The following BANK1 variants were observed in gnomAD, a reference collection of about 807,000 sequenced individuals.
BANK1 encodes B cell scaffold protein with ankyrin repeats 1, also known as B-cell scaffold protein with ankyrin repeats.
Under a neutral mutation model 94.5 loss-of-function variants are expected in BANK1, and 95 were observed. That is an observed-to-expected ratio of 1.00 (90% CI 0.85 to 1.19). BANK1 has a LOEUF of 1.19. BANK1 is among the 50% of genes most tolerant of loss of function. BANK1 has a pLI of 0.00. For synonymous variants in BANK1, 334 were observed against 308.4 expected (o/e 1.08, Z -0.87); for missense variants, 987 against 932.2 (o/e 1.06, Z -0.77).
intron 7 of BANK1, among the ~76,000 whole-genome samples, chr4:101,936,330 CAT>C (rs768523179): frequency 1.3e-3 from 175 of 137,414 alleles, no homozygotes; most frequent in African/African-American, 3.9e-3. Flanking sequence ...TGTATCCATA[CAT>C]ATATATGTAC....
At chr4:102,000,688 A>G (rs1726035968) in intron 7 of BANK1, among the ~76,000 whole-genome samples, 1 of 152,230 alleles carries the variant, frequency 6.6e-6, no homozygotes, top group African/African-American at 2.4e-5. Flanking sequence ...CTTCTAAACT[A>G]GCAATGTAGT....
chr4:101,813,437 GA>G (rs1342508825), intron 1 of BANK1, among the ~76,000 whole-genome samples: 2 of 152,078 alleles, frequency 1.3e-5, no homozygotes, highest in African/African-American at 4.8e-5. Context: ...TATGATACTG[GA>G]AATACTGTCA....
chr4:102,009,068 C>G (rs986894634), intron 7 of BANK1, among the ~76,000 whole-genome samples: 1 of 152,228 alleles, frequency 6.6e-6, no homozygotes, highest in Non-Finnish European at 1.5e-5. Flanking sequence ...CTTTCAAATG[C>G]CAGGATTGCT....
chr4:101,990,172 T>A (rs1282846916), intron 7 of BANK1, among the ~76,000 whole-genome samples: 1 of 152,216 alleles, frequency 6.6e-6, no homozygotes, highest in African/African-American at 2.4e-5. Flanking sequence ...AAAAAGCATC[T>A]GAGGTACTAT....
intron 2 of BANK1, among the ~76,000 whole-genome samples, chr4:101,846,856 G>T (rs1412766699): frequency 6.6e-6 from 1 of 152,156 alleles, no homozygotes; most frequent in African/African-American, 2.4e-5. Context: ...TAGTGATCAA[G>T]GTTCTCTGAA....
At chr4:101,849,860 C>A (rs554075726) in intron 2 of BANK1, among the ~76,000 whole-genome samples, 125 of 152,254 alleles carry the variant, frequency 8.2e-4, no homozygotes, top group Non-Finnish European at 1.7e-3. Context: ...ACTTATGGCT[C>A]TGTTACTTTA....
intron 5 of BANK1, among the ~76,000 whole-genome samples, chr4:101,883,115 A>G (rs1240072417): frequency 2.0e-5 from 3 of 152,204 alleles, no homozygotes; most frequent in African/African-American, 7.2e-5. Context: ...CTGATAACAT[A>G]AGTGACATTT....
At chr4:101,881,170 C>T (rs1728662269) in intron 5 of BANK1, among the ~76,000 whole-genome samples, 1 of 151,842 alleles carries the variant, frequency 6.6e-6, no homozygotes, top group South Asian at 2.1e-4. Flanking sequence ...TGCAAACTAC[C>T]TATCTAACAA....
chr4:101,916,731 T>A (rs1442486788), intron 6 of BANK1, among the ~76,000 whole-genome samples: 2 of 152,032 alleles, frequency 1.3e-5, no homozygotes, highest in East Asian at 3.9e-4. Context: ...TCTATTCTCA[T>A]GAAATTACTG....
At chr4:101,993,190 G>A (rs1725766712) in intron 7 of BANK1, among the ~76,000 whole-genome samples, 1 of 152,150 alleles carries the variant, frequency 6.6e-6, no homozygotes, top group South Asian at 2.1e-4. Flanking sequence ...GTGGCTGTAA[G>A]TATGCATGTC....
intron 10 of BANK1, 32 bp downstream of exon 10, chr4:102,030,297 A>G: frequency 3.3e-6 from 5 of 1,525,294 alleles, no homozygotes; most frequent in Non-Finnish European, 4.4e-6. Context: ...TTACTTGTTA[A>G]TTTTTTTTGT....
At chr4:101,927,319 G>T (rs1213542196) in intron 7 of BANK1, among the ~76,000 whole-genome samples, 2 of 151,628 alleles carry the variant, frequency 1.3e-5, no homozygotes, top group African/African-American at 4.8e-5. Context: ...CTCATGATCT[G>T]ATCACCTCCC....
intron 15 of BANK1, 149 bp from the exon 16 acceptor site, chr4:102,073,534 TA>T: frequency 1.6e-6 from 1 of 642,466 alleles, no homozygotes. Context: ...TGTTTCCTTT[TA>T]AAATGGAAGA....
chr4:101,819,844 A>C (rs1578335681), intron 1 of BANK1, among the ~76,000 whole-genome samples: 1 of 152,318 alleles, frequency 6.6e-6, no homozygotes, highest in Middle Eastern at 3.4e-3. Flanking sequence ...TAGTCAGTAG[A>C]CGAAATCCAG....
At chr4:101,796,410 T>C (rs928475796) in intron 1 of BANK1, among the ~76,000 whole-genome samples, 17 of 152,212 alleles carry the variant, frequency 1.1e-4, no homozygotes, top group Admixed American at 1.1e-3. Flanking sequence ...TCAAAAGTTG[T>C]TATTGTTAAA....
chr4:101,936,463 G>A (rs116719387), intron 7 of BANK1, among the ~76,000 whole-genome samples: 2,187 of 149,942 alleles, frequency 0.015, 21 homozygotes, highest in Non-Finnish European at 0.019. Flanking sequence ...TACTTTATAT[G>A]TATGATATAT....
At chr4:101,869,755 A>T (rs533394160) in intron 4 of BANK1, among the ~76,000 whole-genome samples, 163 of 152,110 alleles carry the variant, frequency 1.1e-3, no homozygotes, top group Admixed American at 2.6e-3. Flanking sequence ...TTTGTTCCAC[A>T]GATGAATTTA....
chr4:101,932,789 C>T (rs1002634794), intron 7 of BANK1, among the ~76,000 whole-genome samples: 9 of 151,476 alleles, frequency 5.9e-5, no homozygotes, highest in Admixed American at 5.3e-4. Flanking sequence ...GTGCTCTTTT[C>T]AACAAACCAA....
intron 7 of BANK1, among the ~76,000 whole-genome samples, chr4:101,997,274 C>G (rs185236998): frequency 1.3e-5 from 2 of 152,038 alleles, no homozygotes; most frequent in Non-Finnish European, 2.9e-5. Flanking sequence ...ATCCCAGTGA[C>G]GAAGCCGACT....
Sources: allele counts gnomAD v4.1 joint callset (sites outside exome capture counted in the v4.1 genomes callset), GRCh38; gene constraint gnomAD v4.1.1; transcripts MANE v1.5; gene names NCBI Gene and HGNC (gene_info 2026-07-23, HGNC 2026-07-21).